FBN2: variants seen among roughly 807,000 people sequenced by gnomAD.
The protein encoded by FBN2 is fibrillin 2, also known as fibrillin-2.
In FBN2, 105 loss-of-function variants were observed where a neutral mutation model predicts 355.6. That is an observed-to-expected ratio of 0.30 (90% confidence interval 0.25 to 0.35). The LOEUF is 0.35. Among genes scored for constraint, FBN2 ranks in the 10% least tolerant of loss-of-function variants. FBN2 has a pLI of 1.00. For missense variants in FBN2, 3,280 were observed against 3,758.7 expected (o/e 0.87, Z 3.33); for synonymous variants, 1,350 against 1,301.2 (o/e 1.04, Z -0.81).
chr5:128,510,912 T>C (rs1182612958), intron 5 of FBN2, among the ~76,000 whole-genome samples: 1 of 152,182 alleles, frequency 6.6e-6, no homozygotes, highest in African/African-American at 2.4e-5. Flanking sequence ...ATACCACCAG[T>C]GTTCCAATCC....
At chr5:128,454,771 T>C (rs1022293512) in intron 6 of FBN2, among the ~76,000 whole-genome samples, 1 of 152,228 alleles carries the variant, frequency 6.6e-6, no homozygotes. Flanking sequence ...TATTTCTTTA[T>C]TCATGACCTT....
intron 48 of FBN2, among the ~76,000 whole-genome samples, chr5:128,296,967 G>A (rs936411111): frequency 2.0e-5 from 3 of 152,106 alleles, no homozygotes; most frequent in Non-Finnish European, 4.4e-5. Context: ...TTTCTCTTGT[G>A]AGCATTTAGT....
intron 57 of FBN2, among the ~76,000 whole-genome samples, chr5:128,278,406 A>G (rs1765449025): frequency 6.6e-6 from 1 of 152,162 alleles, no homozygotes; most frequent in African/African-American, 2.4e-5. Flanking sequence ...AATACATTCT[A>G]CCCCTTAGGT....
At chr5:128,296,949 T>C (rs1326208440) in intron 48 of FBN2, among the ~76,000 whole-genome samples, 1 of 152,242 alleles carries the variant, frequency 6.6e-6, no homozygotes, top group African/African-American at 2.4e-5. Flanking sequence ...ATTTTGGAAC[T>C]TTCCTGCTTT....
chr5:128,492,153 T>A (rs972440831), intron 5 of FBN2, among the ~76,000 whole-genome samples: 5 of 152,174 alleles, frequency 3.3e-5, no homozygotes, highest in African/African-American at 7.2e-5. Flanking sequence ...TATTCTGCAA[T>A]TATTCAGTGA....
chr5:128,417,153 T>A (rs1249804759), intron 7 of FBN2, among the ~76,000 whole-genome samples: 3 of 152,180 alleles, frequency 2.0e-5, no homozygotes, highest in Non-Finnish European at 4.4e-5. Context: ...TTTTTTTAGC[T>A]ACTTCATTAT....
chr5:128,305,975 A>G (rs780356177), intron 42 of FBN2, 27 bp from the exon 43 acceptor site: 39 of 1,606,946 alleles, frequency 2.4e-5, no homozygotes, highest in Non-Finnish European at 3.2e-5. Context: ...TTGGTCAAAT[A>G]TATGTTGTTC....
chr5:128,368,437 C>T (rs201925773), intron 16 of FBN2, among the ~76,000 whole-genome samples: 6,111 of 97,188 alleles, frequency 0.063, 185 homozygotes, highest in South Asian at 0.1. Context: ...TATATATACA[C>T]ATATATACAT....
intron 5 of FBN2, among the ~76,000 whole-genome samples, chr5:128,508,375 C>A (rs1373750846): frequency 6.6e-6 from 1 of 151,756 alleles, no homozygotes; most frequent in African/African-American, 2.4e-5. Flanking sequence ...CTTTATTATT[C>A]CATTTTATCA....
chr5:128,311,984 A>G (rs1431109841), intron 37 of FBN2, 31 bp from the exon 38 acceptor site: 2 of 1,476,428 alleles, frequency 1.4e-6, no homozygotes, highest in Non-Finnish European at 1.9e-6. Context: ...AAGAGGTTTG[A>G]TACCTGTGTC....
chr5:128,492,328 C>T (rs1259031838), intron 5 of FBN2, among the ~76,000 whole-genome samples: 1 of 152,174 alleles, frequency 6.6e-6, no homozygotes, highest in Non-Finnish European at 1.5e-5. Context: ...CAATAGCCTA[C>T]TATTTCTAAA....
chr5:128,301,356 A>T (rs1749711392), intron 47 of FBN2, 26 bp downstream of exon 47: 3 of 1,605,314 alleles, frequency 1.9e-6, no homozygotes, highest in South Asian at 2.2e-5. Context: ...AACACCACAA[A>T]GACTGCTTAT....
intron 4 of FBN2, among the ~76,000 whole-genome samples, chr5:128,525,201 T>C (rs1336957586): frequency 6.6e-6 from 1 of 152,158 alleles, no homozygotes; most frequent in African/African-American, 2.4e-5. Flanking sequence ...AGGCGCTTTC[T>C]TCAGTGATTC....
intron 5 of FBN2, among the ~76,000 whole-genome samples, chr5:128,503,368 A>T (rs964585074): frequency 6.6e-6 from 1 of 152,202 alleles, no homozygotes; most frequent in Non-Finnish European, 1.5e-5. Flanking sequence ...TGGTGCTGTA[A>T]AGACACCTGA....
chr5:128,342,072 G>C (rs1751037752), intron 25 of FBN2, among the ~76,000 whole-genome samples: 1 of 152,104 alleles, frequency 6.6e-6, no homozygotes, highest in Non-Finnish European at 1.5e-5. Flanking sequence ...TTATAAATGT[G>C]GGAGTGAAAC....
intron 5 of FBN2, among the ~76,000 whole-genome samples, chr5:128,480,728 T>G (rs2017775): frequency 3.3e-5 from 5 of 151,898 alleles, no homozygotes; most frequent in Admixed American, 6.6e-5. Flanking sequence ...CCTTCTCAAA[T>G]AAATAAATAA....
chr5:128,298,436 C>A (rs1749592694), intron 48 of FBN2, among the ~76,000 whole-genome samples: 2 of 152,108 alleles, frequency 1.3e-5, no homozygotes, highest in Non-Finnish European at 2.9e-5. Context: ...GAGTGTTTTC[C>A]AACTTGGTTC....
At chr5:128,442,044 A>G (rs1255235244) in intron 7 of FBN2, 2 of 227,646 alleles carry the variant, frequency 8.8e-6, no homozygotes, top group African/African-American at 4.6e-5. Flanking sequence ...TTATCTAAGC[A>G]GAGTTGGAAC....
chr5:128,261,680 A>G, intron 64 of FBN2, 56 bp downstream of exon 64: 3 of 1,537,652 alleles, frequency 2.0e-6, no homozygotes, highest in Non-Finnish European at 2.7e-6. Context: ...ACTGCACTGT[A>G]TACATGACTC....
Sources: allele counts gnomAD v4.1 joint callset (sites outside exome capture counted in the v4.1 genomes callset), GRCh38; gene constraint gnomAD v4.1.1; transcripts MANE v1.5; gene names NCBI Gene and HGNC (gene_info 2026-07-23, HGNC 2026-07-21).